The following PKIB variants were observed in gnomAD, a reference collection of about 807,000 sequenced individuals.
The protein encoded by PKIB is PKI-beta.
A neutral mutation model predicts 4.5 loss-of-function variants in PKIB; 2 were observed. The observed-to-expected ratio is 0.44, with a 90% CI of 0.18 to 1.39. PKIB has a LOEUF of 1.39. Among genes scored for constraint, PKIB ranks in the 40% most tolerant of loss-of-function variants. The pLI is 0.27. For synonymous variants in PKIB, 38 were observed against 36.0 expected, an observed-to-expected ratio of 1.06 and a Z score of -0.20; for missense variants, 94 against 92.6, an observed-to-expected ratio of 1.02 and a Z score of -0.06.
At chr6:122,670,304 G>A (rs372879887) in intron 2 of PKIB, among the ~76,000 whole-genome samples, 4 of 152,088 alleles carry the variant, frequency 2.6e-5, no homozygotes, top group African/African-American at 9.7e-5. Flanking sequence ...TCTATAGAAA[G>A]GGGGAGAGGA....
chr6:122,548,064 A>G (rs1351971433), intron 2 of PKIB, among the ~76,000 whole-genome samples: 3 of 152,206 alleles, frequency 2.0e-5, no homozygotes, highest in African/African-American at 4.8e-5. Context: ...GGCTTTATAC[A>G]TAAGTTTTGG....
At chr6:122,640,630 A>G (rs767487538) in intron 2 of PKIB, among the ~76,000 whole-genome samples, 5 of 152,180 alleles carry the variant, frequency 3.3e-5, no homozygotes, top group African/African-American at 4.8e-5. Context: ...TGTCGTTGGT[A>G]TCAACTGTTG....
intron 2 of PKIB, chr6:122,478,722 C>A (rs1224306541): frequency 6.6e-6 from 1 of 152,038 alleles, no homozygotes; most frequent in East Asian, 1.9e-4. Context: ...TATATGAATA[C>A]AACCATGGAT....
At chr6:122,681,665 CCATT>C (rs1476655074) in intron 3 of PKIB, among the ~76,000 whole-genome samples, 2 of 152,156 alleles carry the variant, frequency 1.3e-5, no homozygotes, top group Non-Finnish European at 2.9e-5. Flanking sequence ...CAATATGTCA[CCATT>C]CAGTGTACCA....
intron 3 of PKIB, among the ~76,000 whole-genome samples, chr6:122,700,633 C>G (rs1428228138): frequency 6.6e-6 from 1 of 152,224 alleles, no homozygotes; most frequent in Non-Finnish European, 1.5e-5. Flanking sequence ...CCTGCTGCCA[C>G]TGCCCTACCG....
At chr6:122,480,493 A>AATAATTT (rs1775583465) in intron 2 of PKIB, 1 of 152,232 alleles carries the variant, frequency 6.6e-6, no homozygotes, top group African/African-American at 2.4e-5. Context: ...ATAAAGAACA[A>AATAATTT]CTACAATTTA....
chr6:122,616,899 T>C (rs1775014255), intron 1 of PKIB, among the ~76,000 whole-genome samples: 1 of 152,186 alleles, frequency 6.6e-6, no homozygotes, highest in Non-Finnish European at 1.5e-5. Context: ...CTCTATTTTT[T>C]AAGACGAGTA....
At chr6:122,592,927 G>T (rs1774061427) in intron 3 of PKIB, among the ~76,000 whole-genome samples, 1 of 152,164 alleles carries the variant, frequency 6.6e-6, no homozygotes, top group Admixed American at 6.5e-5. Flanking sequence ...CTGGTTTGGG[G>T]TCTCAGGTAA....
chr6:122,670,622 T>C (rs1194930118), intron 2 of PKIB, among the ~76,000 whole-genome samples: 1 of 152,204 alleles, frequency 6.6e-6, no homozygotes, highest in African/African-American at 2.4e-5. Context: ...TTGCCAGCCA[T>C]CTTTCAACTT....
chr6:122,719,669 A>T (rs1779643392), intron 4 of PKIB, among the ~76,000 whole-genome samples: 1 of 151,848 alleles, frequency 6.6e-6, no homozygotes, highest in African/African-American at 2.4e-5. Flanking sequence ...TGTATTGTAT[A>T]CTTGAAGATT....
At chr6:122,548,327 T>C (rs570642819) in intron 2 of PKIB, among the ~76,000 whole-genome samples, 2 of 152,292 alleles carry the variant, frequency 1.3e-5, no homozygotes, top group South Asian at 4.1e-4. Flanking sequence ...GTGTATAGAC[T>C]ATCAGCAGCT....
At chr6:122,713,835 A>G (rs969465579) in intron 3 of PKIB, among the ~76,000 whole-genome samples, 2 of 152,302 alleles carry the variant, frequency 1.3e-5, no homozygotes, top group South Asian at 2.1e-4. Context: ...TCCGTTCCCA[A>G]CTAGAATTTT....
chr6:122,550,422 T>C (rs1424993088), intron 2 of PKIB, among the ~76,000 whole-genome samples: 6 of 152,216 alleles, frequency 3.9e-5, no homozygotes, highest in Non-Finnish European at 8.8e-5. Context: ...TATTTATAAC[T>C]GAGCATTTTA....
At chr6:122,667,981 C>T (rs1452618241) in intron 2 of PKIB, among the ~76,000 whole-genome samples, 1 of 152,138 alleles carries the variant, frequency 6.6e-6, no homozygotes, top group Non-Finnish European at 1.5e-5. Flanking sequence ...CCACCCTCTA[C>T]CCTGCTCCCA....
chr6:122,718,670 G>A (rs909709729), intron 4 of PKIB, among the ~76,000 whole-genome samples: 1 of 152,178 alleles, frequency 6.6e-6, no homozygotes, highest in Non-Finnish European at 1.5e-5. Flanking sequence ...GGACTCTAGT[G>A]TATGTTTGGG....
chr6:122,537,920 G>T (rs1777457249), intron 2 of PKIB, among the ~76,000 whole-genome samples: 1 of 151,922 alleles, frequency 6.6e-6, no homozygotes, highest in African/African-American at 2.4e-5. Flanking sequence ...GCATTTCTCT[G>T]ATGGCCAGTG....
intron 2 of PKIB, among the ~76,000 whole-genome samples, chr6:122,520,198 G>A (rs1776891307): frequency 6.6e-6 from 1 of 151,956 alleles, no homozygotes; most frequent in Non-Finnish European, 1.5e-5. Flanking sequence ...CAGCATATTG[G>A]TCAATTTGAT....
intron 2 of PKIB, among the ~76,000 whole-genome samples, chr6:122,637,779 T>TAATA (rs899057381): frequency 1.3e-5 from 2 of 151,184 alleles, no homozygotes; most frequent in African/African-American, 2.4e-5. Context: ...TCATAATAAT[T>TAATA]AATAAATAAA....
At chr6:122,515,799 T>C (rs1776730332) in intron 2 of PKIB, among the ~76,000 whole-genome samples, 1 of 152,140 alleles carries the variant, frequency 6.6e-6, no homozygotes, top group South Asian at 2.1e-4. Flanking sequence ...CACTGCAACC[T>C]GTGCCTCCTG....
Sources: gnomAD v4.1 joint callset for allele counts (sites outside exome capture counted in the v4.1 genomes callset) on GRCh38, gnomAD v4.1.1 for gene constraint, MANE v1.5 for transcripts, NCBI Gene and HGNC (gene_info 2026-07-23, HGNC 2026-07-21) for gene names.